The following KMT2D variants were observed in gnomAD, a reference collection of about 807,000 sequenced individuals.
KMT2D encodes the protein histone-lysine N-methyltransferase 2D.
In KMT2D, 55 loss-of-function variants were observed where a neutral mutation model predicts 512.7. The observed-to-expected ratio is 0.11, with a 90% CI of 0.09 to 0.13. The LOEUF is 0.13. Among genes scored for constraint, KMT2D ranks in the 10% least tolerant of loss-of-function variants. The pLI, the probability that KMT2D is intolerant of heterozygous loss-of-function variation, is 1.00. For synonymous variants in KMT2D, 2,995 were observed against 2,904.0 expected (o/e 1.03, Z -1.01); for missense variants, 6,061 against 7,127.9 (o/e 0.85, Z 5.39).
intron 35 of KMT2D, among the ~76,000 whole-genome samples, chr12:49,036,478 A>ATTT (rs34412400): frequency 4.1e-5 from 3 of 73,390 alleles, no homozygotes; most frequent in Non-Finnish European, 7.8e-5. Flanking sequence ...CACCCAGCTA[A>ATTT]TTTTTTTTTT....
In KMT2D at chr12:49,043,791, C is replaced by G. The variant is rs773104685; in HGVS notation, c.5320-9G>C. 15 of 1,612,230 alleles carry G rather than the reference C, an allele frequency of 9.3e-6. No homozygotes were observed. The Admixed American group carries it at 1.5e-4, about 16-fold the overall frequency. ...TTCCCAAAGAAGGCTTCCTGTGGGG[C>G]AGTCAAGGAGAAACAGTTTTCTTCA... On this transcript the variant is annotated splice_polypyrimidine_tract_variant and intron_variant, in intron 23 of 54. Coordinates refer to ENST00000301067, the MANE Select transcript of KMT2D (RefSeq NM_003482.4).
rs758588319 is a variant in KMT2D, at chr12:49,049,938, C to T, written c.3650G>A (p.Ser1217Asn). The part of the protein sequence containing the change: ...EISNLSQGDA[S>N]ASFPGSEPLL... ...GGGCTCTGAGCCAGGAAAACTGGCA[C>T]TGGCATCACCCTGGCTCAGATTAGA... is the stretch of plus-strand genomic sequence containing the variant. Residue 1217 changes from serine to asparagine, a missense_variant, in exon 12 of 55, where the codon AGT becomes AAT. Physicochemically the swap from Ser to Asn is conservative, Grantham distance 46 (BLOSUM62 1). This residue lies in a region of KMT2D where 447 missense variants were observed against 500.1 expected (regional missense o/e 0.89). Coordinates refer to ENST00000301067, the MANE Select transcript of KMT2D (RefSeq NM_003482.4). 21 of 1,613,868 alleles carry T rather than the reference C, an allele frequency of 1.3e-5. No individual in the cohort carries two copies. Among genetic ancestry groups the T allele is most frequent in the Non-Finnish European group, 1.7e-5 (20 of 1,179,906 alleles).
intron 7 of KMT2D, 26 bp from the exon 8 acceptor site, chr12:49,053,347 G>C (rs2120695272): frequency 6.2e-7 from 1 of 1,604,534 alleles, no homozygotes; most frequent in Non-Finnish European, 8.5e-7. Context: ...GAACATTACA[G>C]TGTCCTCTCT....
chr12:49,052,907 C>G lies in KMT2D; in HGVS notation c.1112+8G>C. On this transcript the variant is annotated splice_region_variant and intron_variant, in intron 9 of 54. Coordinates refer to ENST00000301067, the MANE Select transcript of KMT2D (RefSeq NM_003482.4). ...CCAGCCCAATCTCAGTCAGTCCCCA[C>G]CACTTACCTGCTACACACCGGGGTA... The G allele has an allele frequency of 6.2e-7, 1 of 1,613,890 alleles. No homozygotes were observed. Among genetic ancestry groups the G allele is most frequent in the Non-Finnish European group, 8.5e-7 (1 of 1,179,798 alleles).
At chr12:49,050,838 G>A (rs2120658035) in intron 11 of KMT2D, 48 bp from the exon 12 acceptor site, 1 of 1,569,382 alleles carries the variant, frequency 6.4e-7, no homozygotes, top group Non-Finnish European at 8.7e-7. Flanking sequence ...GATGTGCCAT[G>A]AAGAGTTACA....
Position 49,040,235 on chromosome 12 carries a change from C to G in KMT2D, c.7535G>C (p.Ser2512Thr), listed in dbSNP as rs1453589938. Residue 2512 changes from serine to threonine, a missense_variant, in exon 32 of 55, where the codon AGT becomes ACT. Ser to Thr is a moderately conservative substitution (Grantham distance 58). This residue lies in a region of KMT2D where 710 missense variants were observed against 647.3 expected (regional missense o/e 1.10). Transcript: ENST00000301067. Reference sequence around the variant, plus strand: ...CCGGACAAAATTGGGGGGCTGCCCACTTGGGACCTTGGCATGGAGCTCACC... The same window carrying G: ...CCGGACAAAATTGGGGGGCTGCCCAGTTGGGACCTTGGCATGGAGCTCACC... ...PAGELHAKVPSGQPPNFVRSP... is the reference protein window; with the variant it reads ...PAGELHAKVPTGQPPNFVRSP... 2 of 1,612,852 alleles carry G rather than the reference C, an allele frequency of 1.2e-6. No homozygotes were observed. Among genetic ancestry groups the G allele is most frequent in the African/African-American group, 2.7e-5 (2 of 74,916 alleles).
rs376465820 is a variant in KMT2D at position 49,024,886 on chromosome 12, C to T, written c.15845G>A (p.Arg5282Gln). ...GCCCTTCAGATACTCAGGGAAGAGTCGCAGCATGTCAGCCTCTTTTCTCAT... is the reference window on the plus strand; with the variant it reads ...GCCCTTCAGATACTCAGGGAAGAGTTGCAGCATGTCAGCCTCTTTTCTCAT... The part of the protein sequence containing the change: ...AAMRKEADML[R>Q]LFPEYLKGEE... The change falls in exon 50 of 55, where the codon CGA becomes CAA. Residue 5282 changes from arginine (R) to glutamine (Q), a missense_variant. Transcript: ENST00000301067. This position sits in a 1 kb window ranked among gnomAD's most constrained non-coding sequence, Gnocchi z 4.5. 5.9e-5 allele frequency: 95 copies of T among 1,605,364 alleles called. 1 individual carries two copies. The African/African-American group carries it at 6.6e-4, about 11-fold the overall frequency.
Position 49,054,292 on chromosome 12 carries a change from C to A in KMT2D, c.510+15G>T, listed in dbSNP as rs539551937. ...CCCTGCCCTTCACCTATGCAATCCC[C>A]TGGCCCAGCCCCACCTGTGAGATCC... On this transcript the variant is annotated intron_variant, in intron 5 of 54. Coordinates refer to ENST00000301067, the MANE Select transcript of KMT2D (RefSeq NM_003482.4). The surrounding 1 kb of genome is among the most constrained non-coding windows in gnomAD (Gnocchi z 6.4). 1.9e-6 allele frequency: 3 copies of A among 1,573,290 alleles called. No homozygotes were observed. The Admixed American group carries it at 5.6e-5, about 29-fold the overall frequency.
At position 49,039,526 on chromosome 12, in the gene KMT2D, GCTC is replaced by G. The variant is rs763603662; in HGVS notation, c.8135_8137del (p.Gly2712del). 1 of 1,612,208 alleles carries G rather than the reference GCTC, an allele frequency of 6.2e-7. No individual in the cohort carries two copies. Among genetic ancestry groups the G allele is most frequent in the Non-Finnish European group, 8.5e-7 (1 of 1,179,460 alleles). On this transcript the variant is annotated inframe_deletion, in exon 33 of 55. Coordinates refer to ENST00000301067, the MANE Select transcript of KMT2D (RefSeq NM_003482.4). The surrounding 1 kb of genome is among the most constrained non-coding windows in gnomAD (Gnocchi z 5.0). ...ACCCCAGCTGCCTGGAGGCCCCACT[GCTC>G]CTGCAGCTGCTGCAGCTGTTTCCTT...
chr12:49,041,539 C>G lies in KMT2D; in HGVS notation c.6235-4G>C, dbSNP rs2120548599. 1 of 1,613,292 alleles carries G rather than the reference C, an allele frequency of 6.2e-7. No individual in the cohort carries two copies. The highest frequency in any genetic ancestry group is 1.1e-5 in the South Asian group (1 of 91,066). ...TGTTGATCTGGCTCTCAGCCTGCTACAGGGGGAGACCAGGCATAGGGCAGT... is the reference window on the plus strand; with the variant it reads ...TGTTGATCTGGCTCTCAGCCTGCTAGAGGGGGAGACCAGGCATAGGGCAGT... On this transcript the variant is annotated splice_polypyrimidine_tract_variant and splice_region_variant and intron_variant, in intron 31 of 54. Coordinates refer to ENST00000301067, the MANE Select transcript of KMT2D (RefSeq NM_003482.4). This position sits in a 1 kb window ranked among gnomAD's most constrained non-coding sequence, Gnocchi z 5.4.
In KMT2D at chr12:49,033,242, C is replaced by T. The variant is rs561416708; in HGVS notation, c.11463G>A (p.Gln3821=). ...TCATAAGCACCTGTCTGTGAGGGCC[C>T]TGGGGGCCCAAAGCTCCAGGGTGCT... The part of the protein sequence containing the change: ...QQQHPGALGP[Q]GPHRQVLMTQ... The change falls in exon 40 of 55, where the codon CAG becomes CAA. Residue 3821 remains glutamine, a synonymous_variant. Coordinates refer to ENST00000301067, the MANE Select transcript of KMT2D (RefSeq NM_003482.4). The T allele has an allele frequency of 9.0e-6, 14 of 1,554,010 alleles. No homozygotes were observed. The East Asian group carries it at 3.2e-4, about 35-fold the overall frequency.
At position 49,024,498 on chromosome 12, in the gene KMT2D, C is replaced by G; in HGVS notation, c.16052+80G>C. On this transcript the variant is annotated intron_variant, in intron 51 of 54. Transcript: ENST00000301067. This position sits in a 1 kb window ranked among gnomAD's most constrained non-coding sequence, Gnocchi z 4.5. ...TCTCCACGGGAACTCTGATCTGTAT[C>G]CTAAATCCTCATAATGGGACCAGAG... The G allele has an allele frequency of 1.3e-6, 2 of 1,514,712 alleles. No homozygotes were observed. The highest frequency in any genetic ancestry group is 8.9e-7 in the Non-Finnish European group (1 of 1,128,162). 93.8% of individuals were successfully genotyped at this position (1,514,712 alleles called of 1,614,324 possible).
At position 49,033,430 on chromosome 12, in the gene KMT2D, G is replaced by C. The variant is rs863224890; in HGVS notation, c.11275C>G (p.Gln3759Glu). 31 of 1,584,472 alleles carry C rather than the reference G, an allele frequency of 2.0e-5. No homozygotes were observed. Among genetic ancestry groups the C allele is most frequent in the Non-Finnish European group, 2.7e-5 (31 of 1,165,324 alleles). The change falls in exon 40 of 55, where the codon CAG becomes GAG. Residue 3759 changes from glutamine (Q) to glutamate (E), a missense_variant. By Grantham distance (29) the Gln-to-Glu change is conservative. Around this residue, in one of 16 missense-constraint regions of KMT2D, gnomAD observed 1,600 missense variants for 1,754.9 expected, o/e 0.91. Transcript: ENST00000301067. ...TGGTTTGTCTGTACTCCAGGACCCT[G>C]CTGCTGTTGCTGCTGGATTGCCACC... ...GQVAIQQQQQ[Q>E]GPGVQTNQAL...
rs1262520981 is a variant in KMT2D at position 49,054,610 on chromosome 12, A to T, written c.318T>A (p.Asn106Lys). ...GGTCCTCACTGGGCAGCACTGCCTC[A>T]TTGGGCCCTGGGCTCCCCCCAGGGG... ...VVSPGGSPGP[N>K]EAVLPSEDLS... The change falls in exon 4 of 55, where the codon AAT (asparagine) becomes AAA (lysine). Residue 106 changes from asparagine to lysine, a missense_variant. By Grantham distance (94) the Asn-to-Lys change is moderately conservative. Around this residue, in one of 16 missense-constraint regions of KMT2D, gnomAD observed 144 missense variants for 165.7 expected, o/e 0.87. Coordinates refer to ENST00000301067, the MANE Select transcript of KMT2D (RefSeq NM_003482.4). This position sits in a 1 kb window ranked among gnomAD's most constrained non-coding sequence, Gnocchi z 6.4. The T allele has an allele frequency of 2.3e-5, 37 of 1,613,218 alleles. No individual in the cohort carries two copies. Among genetic ancestry groups the T allele is most frequent in the Non-Finnish European group, 3.1e-5 (36 of 1,179,600 alleles).
rs1474774826 is a variant in KMT2D at position 49,039,110 on chromosome 12, G to A, written c.8366+112C>T. 5.9e-6 allele frequency: 9 copies of A among 1,525,016 alleles called. No homozygotes were observed. The East Asian group carries it at 6.8e-5, about 11-fold the overall frequency. 94.5% of individuals were successfully genotyped at this position (1,525,016 alleles called of 1,614,324 possible). On this transcript the variant is annotated intron_variant, in intron 34 of 54. Transcript: ENST00000301067. This position sits in a 1 kb window ranked among gnomAD's most constrained non-coding sequence, Gnocchi z 5.0. The stretch of plus-strand genomic sequence containing the variant: ...GAGGGAGAAAAGGAATGAGGAAGAA[G>A]AGAAAGTGATACTGGAAAAGGATTA...
At chr12:49,055,818 G>A (rs925750378) in intron 1 of KMT2D, among the ~76,000 whole-genome samples, 1 of 152,146 alleles carries the variant, frequency 6.6e-6, no homozygotes, top group African/African-American at 2.4e-5. Context: ...CCTGAGTCCA[G>A]CAAAAATCCC....
Position 49,044,227 on chromosome 12 carries a change from A to G in KMT2D, c.5161T>C (p.Leu1721=), listed in dbSNP as rs2120579911. 2 of 1,611,728 alleles carry G rather than the reference A, an allele frequency of 1.2e-6. No individual in the cohort carries two copies. Among genetic ancestry groups the G allele is most frequent in the Non-Finnish European group, 1.7e-6 (2 of 1,179,700 alleles). Residue 1721 remains leucine, a synonymous_variant, in exon 22 of 55, where the codon TTG becomes CTG. Coordinates refer to ENST00000301067, the MANE Select transcript of KMT2D (RefSeq NM_003482.4). The surrounding 1 kb of genome is among the most constrained non-coding windows in gnomAD (Gnocchi z 6.4). ...TCGTCGGGCTGCCCATCCCCACTCA[A>G]CACCTCCGCCTGTGCAGCAGGCCCC... The part of the protein sequence containing the change: ...KKGPAAQAEV[L]SGDGQPDEVI...
rs1942994924 is a variant in KMT2D, at chr12:49,032,811, T to C, written c.11894A>G (p.Gln3965Arg). The C allele has an allele frequency of 1.9e-6, 3 of 1,551,586 alleles. No homozygotes were observed. The highest frequency in any genetic ancestry group is 2.6e-6 in the Non-Finnish European group (3 of 1,147,212). Reference protein sequence around the residue: ...LQQQQQQQQQQFQQQQQQQQM... With the variant: ...LQQQQQQQQQRFQQQQQQQQM... The stretch of plus-strand genomic sequence containing the variant: ...CTGCTGTTGCTGCTGCTGTTGAAAC[T>C]GCTGCTGTTGTTGTTGCTGTTGCTG... The change falls in exon 40 of 55, where the codon CAG (glutamine) becomes CGG (arginine). Residue 3965 changes from glutamine to arginine, a missense_variant. Gln to Arg is a conservative substitution (Grantham distance 43). Transcript: ENST00000301067.
In KMT2D at chr12:49,020,841, C is replaced by T. The variant is rs1438238595; in HGVS notation, c.*939G>A. The T allele has an allele frequency of 9.8e-5, 20 of 203,528 alleles. No homozygotes were observed. The highest frequency in any genetic ancestry group is 1.2e-4 in the Admixed American group (2 of 16,644). 12.6% of individuals were successfully genotyped at this position (203,528 alleles called of 1,614,324 possible). A position where few individuals can be genotyped will look rare whatever the true frequency, so the allele number is the denominator to read the frequency against. ...GTCCTAGGTTTAGCTCCCTCCTGCC[C>T]CCATGTCCAGATGGAGAAGGAAGTC... On this transcript the variant is annotated 3_prime_UTR_variant, in exon 55 of 55. Transcript: ENST00000301067.
Sources: allele counts gnomAD v4.1 joint callset (sites outside exome capture counted in the v4.1 genomes callset), GRCh38; gene constraint gnomAD v4.1.1; regional missense constraint gnomAD v4.1.1; non-coding constraint Gnocchi (gnomAD v3.1); transcripts MANE v1.5; gene names NCBI Gene and HGNC (gene_info 2026-07-23, HGNC 2026-07-21).